CNGA1: variants seen among roughly 807,000 people sequenced by gnomAD.
CNGA1 encodes cyclic nucleotide-gated channel alpha-1.
A neutral mutation model predicts 69.7 loss-of-function variants in CNGA1; 53 were observed. The ratio of observed to expected loss-of-function variants is 0.76; its 90% CI spans 0.61 to 0.96. The LOEUF (loss-of-function observed/expected upper bound fraction) is 0.96, where lower values mean the gene tolerates loss of function less well. CNGA1 is among the 40% of genes least tolerant of loss of function. The probability of loss-of-function intolerance (pLI) is 0.00; values close to 1 mark genes in which losing one functional copy is unlikely to be tolerated. For missense variants in CNGA1, 739 were observed against 811.2 expected (o/e 0.91, Z 1.08); for synonymous variants, 249 against 283.5 (o/e 0.88, Z 1.22).
intron 5 of CNGA1, 88 bp from the exon 6 acceptor site, chr4:47,949,983 C>A: frequency 9.0e-7 from 1 of 1,113,194 alleles, no homozygotes; most frequent in South Asian, 1.3e-5. Context: ...AAAACAAATT[C>A]TTCTCCATTT....
intron 6 of CNGA1, among the ~76,000 whole-genome samples, chr4:47,945,047 G>A (rs1253151900): frequency 6.6e-6 from 1 of 152,006 alleles, no homozygotes; most frequent in African/African-American, 2.4e-5. Context: ...AGGAGGTTGA[G>A]GGCAACTTAC....
At chr4:48,011,813 C>T (rs903916889) in intron 1 of CNGA1, among the ~76,000 whole-genome samples, 8 of 152,112 alleles carry the variant, frequency 5.3e-5, no homozygotes, top group Non-Finnish European at 1.0e-4. Context: ...TTGAGTTTGC[C>T]TAAAGACACG....
intron 5 of CNGA1, among the ~76,000 whole-genome samples, chr4:47,950,268 A>G (rs760556188): frequency 6.6e-5 from 10 of 152,168 alleles, no homozygotes; most frequent in Non-Finnish European, 1.2e-4. Flanking sequence ...GCTAGTAAAT[A>G]AGTCTCACAA....
Position 47,937,248 on chromosome 4 carries a change from C to T in CNGA1, c.1234G>A (p.Ala412Thr), listed in dbSNP as rs1199253278. 2 of 1,613,924 alleles carry T rather than the reference C, an allele frequency of 1.2e-6. No individual in the cohort carries two copies. Among genetic ancestry groups the T allele is most frequent in the Non-Finnish European group, 8.5e-7 (1 of 1,180,024 alleles). Residue 412 changes from alanine to threonine, a missense_variant, in exon 11 of 11, where the codon GCT becomes ACT. Coordinates refer to ENST00000514170, the MANE Select transcript of CNGA1 (RefSeq NM_001379270.1). Reference protein sequence around the residue: ...ARAEFQARIDAIKQYMHFRNV... With the variant: ...ARAEFQARIDTIKQYMHFRNV... Reference sequence around the variant, plus strand: ...CGAAAATGCATATATTGCTTGATAGCATCAATTCTTGCTTGAAATTCTGCT... The same window carrying T: ...CGAAAATGCATATATTGCTTGATAGTATCAATTCTTGCTTGAAATTCTGCT...
rs531529189 is a variant in CNGA1, at chr4:47,973,991, G to A, written c.-15+7402C>T. Among the ~76,000 whole-genome samples the A allele has an allele frequency of 1.4e-4, 21 of 151,864 alleles. No homozygotes were observed. The South Asian group carries it at 3.5e-3, about 26-fold the overall frequency. On this transcript the variant is annotated intron_variant, in intron 3 of 10. Transcript: ENST00000514170. ...GCGGATCTTTTGAGCCCAAGAGTTCGAGATCAGCCTGGGCAACATGGCGAA... is the reference window on the plus strand; with the variant it reads ...GCGGATCTTTTGAGCCCAAGAGTTCAAGATCAGCCTGGGCAACATGGCGAA...
At chr4:47,953,331 T>C (rs1157067558) in intron 3 of CNGA1, among the ~76,000 whole-genome samples, 1 of 152,208 alleles carries the variant, frequency 6.6e-6, no homozygotes, top group East Asian at 1.9e-4. Context: ...TATCCCAGTT[T>C]TGAAATACTC....
At chr4:47,961,037 T>C (rs1740406753) in intron 3 of CNGA1, among the ~76,000 whole-genome samples, 1 of 152,220 alleles carries the variant, frequency 6.6e-6, no homozygotes, top group Admixed American at 6.5e-5. Context: ...ACTTACAGTA[T>C]GAAAATTTTA....
intron 3 of CNGA1, among the ~76,000 whole-genome samples, chr4:47,955,817 A>G (rs1740055170): frequency 6.6e-6 from 1 of 152,234 alleles, no homozygotes; most frequent in African/African-American, 2.4e-5. Flanking sequence ...CCTCCTCTGG[A>G]AGGGAGACTT....
intron 3 of CNGA1, among the ~76,000 whole-genome samples, chr4:47,960,413 A>G (rs1202891038): frequency 6.6e-6 from 1 of 152,194 alleles, no homozygotes; most frequent in Non-Finnish European, 1.5e-5. Flanking sequence ...TGACCTAAAC[A>G]TAGAAGCTAA....
Position 47,951,368 on chromosome 4 carries a change from C to G in CNGA1, c.209G>C (p.Gly70Ala). 1 of 1,608,422 alleles carries G rather than the reference C, an allele frequency of 6.2e-7. No individual in the cohort carries two copies. The highest frequency in any genetic ancestry group is 8.5e-7 in the Non-Finnish European group (1 of 1,174,954). ...GSFSYKSLRKGGPSQREQYLP... is the reference protein window; with the variant it reads ...GSFSYKSLRKAGPSQREQYLP... ...TACTGCTCACCTCTGTGATGGTCCT[C>G]CCTTTCTGAGTGACTTATAACTAAA... Residue 70 changes from glycine (G) to alanine (A), a missense_variant, in exon 5 of 11, where the codon GGA becomes GCA. Coordinates refer to ENST00000514170, the MANE Select transcript of CNGA1 (RefSeq NM_001379270.1).
chr4:47,995,776 T>TATC (rs1742452414), intron 2 of CNGA1, among the ~76,000 whole-genome samples: 1 of 152,176 alleles, frequency 6.6e-6, no homozygotes, highest in South Asian at 2.1e-4. Flanking sequence ...GGGTTGGCTC[T>TATC]ATCAAAGGAA....
intron 10 of CNGA1, among the ~76,000 whole-genome samples, chr4:47,938,425 GC>G (rs2098218688): frequency 1.4e-5 from 2 of 143,320 alleles, no homozygotes; most frequent in African/African-American, 5.3e-5. Flanking sequence ...TCAGAGTCTT[GC>G]TCTGTCACCT....
intron 2 of CNGA1, among the ~76,000 whole-genome samples, chr4:47,984,660 A>G (rs1007560944): frequency 8.2e-5 from 7 of 85,888 alleles, no homozygotes; most frequent in African/African-American, 2.7e-4. Flanking sequence ...ATATATATAT[A>G]TATACACACA....
intron 3 of CNGA1, among the ~76,000 whole-genome samples, chr4:47,954,351 G>A (rs2882951): frequency 0.036 from 5,514 of 152,244 alleles, 349 homozygotes; most frequent in African/African-American, 0.13. Flanking sequence ...AAGAATGGAG[G>A]TGGGGAGGTT....
chr4:48,010,665 ACCCAG>A (rs1283093618), intron 2 of CNGA1, 124 bp downstream of exon 2: 1 of 153,640 alleles, frequency 6.5e-6, no homozygotes, highest in Non-Finnish European at 1.4e-5. Context: ...GAACCGTAGA[ACCCAG>A]TGACTAGTGT....
intron 5 of CNGA1, among the ~76,000 whole-genome samples, chr4:47,950,178 A>ATAAT (rs1739656055): frequency 6.6e-6 from 1 of 152,240 alleles, no homozygotes; most frequent in Admixed American, 6.5e-5. Flanking sequence ...TATAGCTCCC[A>ATAAT]TAATCCCCAC....
At chr4:48,004,775 T>C (rs1046812071) in intron 2 of CNGA1, among the ~76,000 whole-genome samples, 1 of 152,152 alleles carries the variant, frequency 6.6e-6, no homozygotes, top group Non-Finnish European at 1.5e-5. Context: ...TAGGTTGTTG[T>C]TATTTTCTTC....
At chr4:47,980,165 A>G (rs1232737368) in intron 3 of CNGA1, among the ~76,000 whole-genome samples, 1 of 152,230 alleles carries the variant, frequency 6.6e-6, no homozygotes, top group African/African-American at 2.4e-5. Flanking sequence ...GAGTGGGAAA[A>G]TGACAATGAA....
intron 4 of CNGA1, 29 bp downstream of exon 4, chr4:47,952,554 A>C: frequency 1.2e-6 from 2 of 1,610,564 alleles, no homozygotes; most frequent in Non-Finnish European, 1.7e-6. Context: ...GCTAATAATA[A>C]AAATGCATGG....
Sources: allele counts gnomAD v4.1 joint callset (sites outside exome capture counted in the v4.1 genomes callset), GRCh38; gene constraint gnomAD v4.1.1; transcripts MANE v1.5; gene names NCBI Gene and HGNC (gene_info 2026-07-23, HGNC 2026-07-21).